MAFF: variants seen among roughly 807,000 people sequenced by gnomAD.
The protein encoded by MAFF is MAF bZIP transcription factor F.
A neutral mutation model predicts 2.7 loss-of-function variants in MAFF; 4 were observed. That is an observed-to-expected ratio of 1.48 (90% CI 0.73 to 3.39). The LOEUF is 3.39. Among genes scored for constraint, MAFF ranks in the 30% most tolerant of loss-of-function variants. The probability of loss-of-function intolerance (pLI) is 0.01; values close to 1 mark genes in which losing one functional copy is unlikely to be tolerated. For synonymous variants in MAFF, 113 were observed against 119.4 expected, an observed-to-expected ratio of 0.95 and a Z score of 0.35; for missense variants, 190 against 246.6, an observed-to-expected ratio of 0.77 and a Z score of 1.54.
At chr22:38,210,547 T>G (rs931194134) in intron 1 of MAFF, among the ~76,000 whole-genome samples, 4 of 151,162 alleles carry the variant, frequency 2.6e-5, no homozygotes, top group African/African-American at 9.7e-5. Flanking sequence ...GGACAGACAC[T>G]GAACAAATAA....
At chr22:38,212,592 G>A (rs1023381934) in intron 1 of MAFF, among the ~76,000 whole-genome samples, 7 of 152,220 alleles carry the variant, frequency 4.6e-5, no homozygotes, top group African/African-American at 1.7e-4. Context: ...GCATGTGGCT[G>A]TCAGGCCTGT....
intron 1 of MAFF, among the ~76,000 whole-genome samples, chr22:38,210,396 T>A (rs760655644): frequency 2.3e-4 from 35 of 152,252 alleles, no homozygotes; most frequent in Non-Finnish European, 4.6e-4. Context: ...CACCTTGGCC[T>A]GAGTCACACT....
intron 1 of MAFF, among the ~76,000 whole-genome samples, chr22:38,211,516 C>T (rs748539530): frequency 2.8e-4 from 30 of 105,880 alleles, no homozygotes; most frequent in Non-Finnish European, 2.6e-4. Flanking sequence ...TGAGCCACCG[C>T]GCCCGGCCAC....
Position 38,214,731 on chromosome 22 carries a change from C to T in MAFF, c.348C>T (p.Gly116=). 6.9e-7 allele frequency: 1 copy of T among 1,444,062 alleles called. No individual in the cohort carries two copies. 89.5% of individuals were successfully genotyped at this position (1,444,062 alleles called of 1,614,324 possible). A position where few individuals can be genotyped will look rare whatever the true frequency, so the allele number is the denominator to read the frequency against. Residue 116 remains glycine, a synonymous_variant, in exon 3 of 3, where the codon GGC becomes GGT. Coordinates refer to ENST00000338483, the MANE Select transcript of MAFF (RefSeq NM_012323.4). The surrounding 1 kb of genome is among the most constrained non-coding windows in gnomAD (Gnocchi z 6.3). ...ALRGKCEALQ[G]FARSVAAARG... ...GCGGCAAGTGCGAGGCGCTGCAGGG[C>T]TTCGCGCGCTCCGTGGCCGCCGCCC...
rs1231839629 is a variant in MAFF at position 38,215,229 on chromosome 22, CA to C, written c.*353del. On this transcript the variant is annotated 3_prime_UTR_variant, in exon 3 of 3. Transcript: ENST00000338483. Reference sequence around the variant, plus strand: ...ATCTTGGAAACTGCTCTTATTGTGCCAATATGCCCTCCAAACCCTCCCAGGA... The same window carrying C: ...ATCTTGGAAACTGCTCTTATTGTGCCATATGCCCTCCAAACCCTCCCAGGA... 4 of 241,478 alleles carry C rather than the reference CA, an allele frequency of 1.7e-5. No individual in the cohort carries two copies. The highest frequency in any genetic ancestry group is 8.7e-6 in the Non-Finnish European group (1 of 115,502). The allele number at this position is 241,478 out of a possible 1,614,324, so 15.0% of individuals were successfully genotyped here.
chr22:38,211,313 G>A lies in MAFF; in HGVS notation c.-31-2510G>A, dbSNP rs570567215. Among the ~76,000 whole-genome samples, 7 of 150,424 alleles carry A rather than the reference G, an allele frequency of 4.7e-5. No individual in the cohort carries two copies. In the East Asian group the frequency reaches 5.9e-4, roughly 13 times the overall value. ...ACAATCTTGGCTCACTGCAACCTCC[G>A]CCTCCCGGGTTCAAGCGATTCTTTT... On this transcript the variant is annotated intron_variant, in intron 1 of 2. Transcript: ENST00000338483.
rs2091127767 is a variant in MAFF, at chr22:38,214,481, C to T, written c.98C>T (p.Ser33Leu). 1.2e-6 allele frequency: 2 copies of T among 1,609,880 alleles called. No individual in the cohort carries two copies. The highest frequency in any genetic ancestry group is 8.5e-7 in the Non-Finnish European group (1 of 1,179,318). Residue 33 changes from serine (S) to leucine (L), a missense_variant, in exon 3 of 3, where the codon TCG (serine) becomes TTG (leucine). Transcript: ENST00000338483. This position sits in a 1 kb window ranked among gnomAD's most constrained non-coding sequence, Gnocchi z 6.3. ...TCGGACGAGGCGCTGATGGGGCTGT[C>T]GGTGCGCGAGCTGAACCGGCATCTG... ...HLSDEALMGL[S>L]VRELNRHLRG... is the part of the protein sequence containing the mutation.
At chr22:38,210,840 G>A (rs1283347735) in intron 1 of MAFF, among the ~76,000 whole-genome samples, 3 of 151,930 alleles carry the variant, frequency 2.0e-5, no homozygotes, top group Non-Finnish European at 2.9e-5. Flanking sequence ...CAGGCGGATC[G>A]CTTGAGCCAA....
intron 1 of MAFF, among the ~76,000 whole-genome samples, chr22:38,208,065 G>T (rs2091067068): frequency 6.6e-6 from 1 of 152,132 alleles, no homozygotes; most frequent in South Asian, 2.1e-4. Flanking sequence ...GGCCTCTAAG[G>T]GCCTTTCCTG....
intron 1 of MAFF, chr22:38,203,390 G>A (rs2091029215): frequency 6.6e-6 from 1 of 152,288 alleles, no homozygotes; most frequent in Non-Finnish European, 1.5e-5. Flanking sequence ...CTGGACGCCG[G>A]AAGCTAGCTG....
rs371159397 is a variant in MAFF, at chr22:38,215,108, C to G, written c.*230C>G. ...TTGGGGATGGGGCAGAGGTCTGGAT[C>G]TGGGATCGCCCTTGGCTGAAAGTTT... is the stretch of plus-strand genomic sequence containing the variant. On this transcript the variant is annotated 3_prime_UTR_variant, in exon 3 of 3. Transcript: ENST00000338483. 733 of 479,288 alleles carry G rather than the reference C, an allele frequency of 1.5e-3. 14 individuals carry two copies. The South Asian group carries it at 0.017, about 11-fold the overall frequency. The allele number at this position is 479,288 out of a possible 1,614,324, so 29.7% of individuals were successfully genotyped here. A position where few individuals can be genotyped will look rare whatever the true frequency, so the allele number is the denominator to read the frequency against.
At chr22:38,207,423 CTTTTTTTTTTTT>C in intron 1 of MAFF, among the ~76,000 whole-genome samples, 1 of 78,350 alleles carries the variant, frequency 1.3e-5, no homozygotes, top group African/African-American at 5.0e-5. Flanking sequence ...GCTTGGCCAT[CTTTTTTTTTTTT>C]TTTTTTTTTT....
intron 1 of MAFF, among the ~76,000 whole-genome samples, chr22:38,208,581 G>A (rs1052834223): frequency 3.3e-5 from 5 of 152,162 alleles, no homozygotes; most frequent in Non-Finnish European, 7.3e-5. Context: ...GGGTGATGGC[G>A]TCAGAGACTC....
chr22:38,212,781 CGGGG>C (rs1376249717), intron 1 of MAFF, among the ~76,000 whole-genome samples: 1 of 152,108 alleles, frequency 6.6e-6, no homozygotes, highest in African/African-American at 2.4e-5. Context: ...TTGTATCTTA[CGGGG>C]TGCTGGATGG....
chr22:38,203,610 T>C (rs1226851610), intron 1 of MAFF: 1 of 152,228 alleles, frequency 6.6e-6, no homozygotes, highest in Non-Finnish European at 1.5e-5. Context: ...GGCTAGAGAT[T>C]CCTTGGTCTT....
At chr22:38,208,416 G>A (rs940995696) in intron 1 of MAFF, among the ~76,000 whole-genome samples, 2 of 152,196 alleles carry the variant, frequency 1.3e-5, no homozygotes, top group African/African-American at 4.8e-5. Context: ...AAGTCACGTG[G>A]ATGGGATCCC....
Position 38,214,770 on chromosome 22 carries a change from G to T in MAFF, c.387G>T (p.Thr129=). 7.0e-7 allele frequency: 1 copy of T among 1,436,694 alleles called. No homozygotes were observed. Among genetic ancestry groups the T allele is most frequent in the Non-Finnish European group, 9.1e-7 (1 of 1,101,396 alleles). The allele number at this position is 1,436,694 out of a possible 1,614,324, so 89.0% of individuals were successfully genotyped here. The change falls in exon 3 of 3, where the codon ACG becomes ACT. Residue 129 remains threonine (T), a synonymous_variant. Coordinates refer to ENST00000338483, the MANE Select transcript of MAFF (RefSeq NM_012323.4). This position sits in a 1 kb window ranked among gnomAD's most constrained non-coding sequence, Gnocchi z 6.3. The part of the protein sequence containing the change: ...RSVAAARGPA[T]LVAPASVITI... ...TGGCCGCCGCCCGCGGGCCCGCCAC[G>T]CTCGTGGCGCCGGCCAGCGTCATCA...
In MAFF at chr22:38,214,597, C is replaced by A; in HGVS notation, c.214C>A (p.Arg72Ser). The A allele has an allele frequency of 6.3e-7, 1 of 1,586,340 alleles. No homozygotes were observed. Among genetic ancestry groups the A allele is most frequent in the Non-Finnish European group, 8.6e-7 (1 of 1,167,150 alleles). Residue 72 changes from arginine (R) to serine (S), a missense_variant, in exon 3 of 3, where the codon CGC becomes AGC. Around this residue, in one of 2 missense-constraint regions of MAFF, gnomAD observed 87 missense variants for 143.6 expected, o/e 0.61. Coordinates refer to ENST00000338483, the MANE Select transcript of MAFF (RefSeq NM_012323.4). This position sits in a 1 kb window ranked among gnomAD's most constrained non-coding sequence, Gnocchi z 6.3. ...RGYAASCRVK[R>S]VCQKEELQKQ... is the part of the protein sequence containing the mutation. ...CTACGCCGCCAGCTGCCGCGTGAAGCGCGTGTGCCAGAAGGAGGAGCTGCA... is the reference window on the plus strand; with the variant it reads ...CTACGCCGCCAGCTGCCGCGTGAAGAGCGTGTGCCAGAAGGAGGAGCTGCA...
intron 1 of MAFF, among the ~76,000 whole-genome samples, chr22:38,205,020 T>C (rs1386006984): frequency 1.3e-5 from 2 of 152,122 alleles, no homozygotes; most frequent in Non-Finnish European, 2.9e-5. Flanking sequence ...AAGTGGTCTG[T>C]GGCTGTGCAG....
Sources: gnomAD v4.1 joint callset for allele counts (sites outside exome capture counted in the v4.1 genomes callset) on GRCh38, gnomAD v4.1.1 for gene constraint, gnomAD v4.1.1 regional missense constraint, Gnocchi (gnomAD v3.1) non-coding constraint, MANE v1.5 for transcripts, NCBI Gene and HGNC (gene_info 2026-07-23, HGNC 2026-07-21) for gene names.